ADRA1B: variants seen among roughly 807,000 people sequenced by gnomAD.
The protein encoded by ADRA1B is alpha-1B adrenergic receptor.
In ADRA1B, 17 loss-of-function variants were observed where a neutral mutation model predicts 17.9. The observed-to-expected ratio is 0.95, with a 90% CI of 0.65 to 1.42. The LOEUF is 1.42. Ranked by LOEUF, ADRA1B falls within the 40% of genes most tolerant of loss-of-function variation. ADRA1B has a pLI of 0.00. For synonymous variants in ADRA1B, 366 were observed against 327.6 expected (o/e 1.12, Z -1.27); for missense variants, 681 against 722.1 (o/e 0.94, Z 0.65).
upstream of ADRA1B, among the ~76,000 whole-genome samples, chr5:159,912,567 C>T (rs926007309): frequency 6.6e-6 from 1 of 152,246 alleles, no homozygotes; most frequent in African/African-American, 2.4e-5. Context: ...TTATTTCCTT[C>T]AGGCTAACAT....
At chr5:159,976,382 C>A (rs566437996), downstream of ADRA1B, among the ~76,000 whole-genome samples, 3 of 152,040 alleles carry the variant, frequency 2.0e-5, no homozygotes. Flanking sequence ...TGGCTGGGTG[C>A]GGTGGCTCAC....
intron 1 of ADRA1B, among the ~76,000 whole-genome samples, chr5:159,895,167 G>T (rs537763578): frequency 6.6e-6 from 1 of 152,168 alleles, no homozygotes; most frequent in Non-Finnish European, 1.5e-5. Context: ...GACCTAGGCC[G>T]ACAAGTGGAG....
chr5:159,871,467 G>A (rs1432675), intron 1 of ADRA1B: 29,693 of 152,052 alleles, frequency 0.2, 3,060 homozygotes, highest in African/African-American at 0.24. Context: ...TCCTGTGGAG[G>A]CTCTACAAGA....
intron 1 of ADRA1B, among the ~76,000 whole-genome samples, chr5:159,895,800 C>T (rs775517425): frequency 3.3e-5 from 5 of 152,256 alleles, no homozygotes; most frequent in Non-Finnish European, 7.3e-5. Context: ...AAGCTGTGAG[C>T]TCCTGGAAGG....
intron 1 of ADRA1B, among the ~76,000 whole-genome samples, chr5:159,971,385 G>A (rs1367311339): frequency 1.3e-5 from 2 of 152,092 alleles, no homozygotes; most frequent in African/African-American, 4.8e-5. Context: ...AGTCTTTTAT[G>A]TTGTTCTCTT....
Position 159,901,075 on chromosome 5 carries a change from A to G in ADRA1B, c.-255-15044A>G, listed in dbSNP as rs369607955. Among the ~76,000 whole-genome samples, 54 of 151,814 alleles carry G rather than the reference A, an allele frequency of 3.6e-4. No individual in the cohort carries two copies. In the East Asian group the frequency reaches 9.9e-3, roughly 28 times the overall value. ...TATATTCATTATATTATGTTTTACTATTATACATGTTATAGATATTAGACA... is the reference window on the plus strand; with the variant it reads ...TATATTCATTATATTATGTTTTACTGTTATACATGTTATAGATATTAGACA... On this transcript the variant is annotated intron_variant, in intron 1 of 2. Coordinates refer to the ADRA1B transcript ENST00000641205.
chr5:159,950,479 G>A (rs1755403831), intron 1 of ADRA1B: 1 of 1,377,122 alleles, frequency 7.3e-7, no homozygotes, highest in Non-Finnish European at 1.0e-6. Context: ...ACTGGGGCTG[G>A]TGGTCCAGGG....
At chr5:159,980,974 T>G in the ADRA1B span, among the ~76,000 whole-genome samples, 1 of 152,032 alleles carries the variant, frequency 6.6e-6, no homozygotes, top group Non-Finnish European at 1.5e-5. Context: ...ATCCAAATCA[T>G]CTGAGCAAGG....
At chr5:159,967,223 G>A (rs1022554480) in intron 1 of ADRA1B, among the ~76,000 whole-genome samples, 1 of 152,162 alleles carries the variant, frequency 6.6e-6, no homozygotes, top group African/African-American at 2.4e-5. Context: ...AAGAAATGAA[G>A]ATATAGCTCC....
chr5:159,955,083 A>G (rs1038371697), intron 1 of ADRA1B: 24 of 911,614 alleles, frequency 2.6e-5, no homozygotes, highest in Non-Finnish European at 3.0e-5. Flanking sequence ...TTCATTATAC[A>G]ATATTTATGA....
intron 1 of ADRA1B, among the ~76,000 whole-genome samples, chr5:159,931,417 A>G (rs1020014438): frequency 1.5e-4 from 23 of 151,876 alleles, no homozygotes; most frequent in African/African-American, 5.3e-4. Flanking sequence ...AAATGAAGAA[A>G]TGACTTCAGC....
chr5:159,910,652 G>T (rs180833466), intron 1 of ADRA1B, among the ~76,000 whole-genome samples: 61 of 152,268 alleles, frequency 4.0e-4, no homozygotes, highest in African/African-American at 1.5e-3. Context: ...TAGACAACAC[G>T]CAAACAAATC....
rs561500782 is a variant in ADRA1B, at chr5:159,865,788, T to C, written c.-256+582T>C. On this transcript the variant is annotated intron_variant, in intron 1 of 2. Coordinates refer to the ADRA1B transcript ENST00000641205. ...AAACTCTCTTTGTAAAATATATGCT[T>C]CCTCAAAACCTACATACAAAAACAC... 6.6e-5 allele frequency among the ~76,000 whole-genome samples: 10 copies of C among 152,262 alleles called. No homozygotes were observed. In the East Asian group the frequency reaches 9.6e-4, roughly 15 times the overall value.
At chr5:159,962,852 T>A (rs1755698537) in intron 1 of ADRA1B, among the ~76,000 whole-genome samples, 1 of 149,152 alleles carries the variant, frequency 6.7e-6, no homozygotes, top group Non-Finnish European at 1.5e-5. Flanking sequence ...TTTTTTTTTT[T>A]TTTTTTTTTA....
chr5:159,962,903 TTTTCTTTC>T (rs1227861009), intron 1 of ADRA1B, among the ~76,000 whole-genome samples: 17 of 146,244 alleles, frequency 1.2e-4, no homozygotes, highest in South Asian at 1.1e-3. Flanking sequence ...TTTCTTTTTC[TTTTCTTTC>T]TTTCTTTCTT....
chr5:159,948,487 C>T (rs890792203), intron 1 of ADRA1B: 101 of 981,874 alleles, frequency 1.0e-4, no homozygotes, highest in Non-Finnish European at 1.2e-4. Context: ...GGTTAGTTAA[C>T]GTTTTATTAC....
At position 159,934,296 on chromosome 5, in the gene ADRA1B, C is replaced by T. The variant is rs78930780; in HGVS notation, c.949+16442C>T. Among the ~76,000 whole-genome samples, 1,397 of 152,276 alleles carry T rather than the reference C, an allele frequency of 9.2e-3. 21 individuals carry two copies. Among genetic ancestry groups the T allele is most frequent in the African/African-American group, 0.031 (1,288 of 41,548 alleles). On this transcript the variant is annotated intron_variant, in intron 1 of 1. Transcript: ENST00000306675. The stretch of plus-strand genomic sequence containing the variant: ...GGCAGGGGCTGGGTGAACTTTGACC[C>T]ACTTGCCACAGGGTTGGGAATGGCA...
At chr5:159,943,986 G>A (rs1755206280) in intron 1 of ADRA1B, among the ~76,000 whole-genome samples, 1 of 150,282 alleles carries the variant, frequency 6.7e-6, no homozygotes, top group Non-Finnish European at 1.5e-5. Context: ...TATTCTTCTT[G>A]GTTCTCTCTT....
chr5:159,946,705 T>C (rs1240604233), intron 1 of ADRA1B, among the ~76,000 whole-genome samples: 3 of 152,266 alleles, frequency 2.0e-5, no homozygotes, highest in East Asian at 3.8e-4. Context: ...ATTAAAATTA[T>C]AGTATAATAT....
Sources: allele counts gnomAD v4.1 joint callset (sites outside exome capture counted in the v4.1 genomes callset), GRCh38; gene constraint gnomAD v4.1.1; transcripts MANE v1.5; gene names NCBI Gene and HGNC (gene_info 2026-07-23, HGNC 2026-07-21).